Variants in CYGB observed in about 807,000 individuals in gnomAD.
CYGB encodes histoglobin.
CYGB carries 13 observed loss-of-function variants against 20.7 expected under a neutral mutation model. That is an observed-to-expected ratio of 0.63 (90% CI 0.41 to 1.00). CYGB has a LOEUF of 1.00. Among genes scored for constraint, CYGB ranks in the 50% least tolerant of loss-of-function variants. The pLI is 0.00. For synonymous variants in CYGB, 93 were observed against 107.4 expected, an observed-to-expected ratio of 0.87 and a Z score of 0.83; for missense variants, 218 against 257.2, an observed-to-expected ratio of 0.85 and a Z score of 1.04.
At chr17:76,548,511 T>G (rs1182390142) in intron 1 of CYGB, among the ~76,000 whole-genome samples, 1 of 152,198 alleles carries the variant, frequency 6.6e-6, no homozygotes, top group Non-Finnish European at 1.5e-5. Context: ...CCAGCCTCGG[T>G]GGCCTAGTTC....
At chr17:76,543,946 C>A in intron 1 of CYGB, 1 of 468,946 alleles carries the variant, frequency 2.1e-6, no homozygotes, top group Non-Finnish European at 4.4e-6. Context: ...TGTGTGCAAG[C>A]GCGTGTGTTC....
At chr17:76,542,706 C>T (rs564887151), upstream of CYGB, 62 of 951,974 alleles carry the variant, frequency 6.5e-5, 2 homozygotes, top group South Asian at 5.5e-4. Context: ...AGGCAAGTCC[C>T]GGCCATGTGG....
At chr17:76,542,959 C>A in intron 1 of CYGB, 1 of 514,158 alleles carries the variant, frequency 1.9e-6, no homozygotes. Flanking sequence ...TCGGAAACAT[C>A]CACTCTGAAA....
At chr17:76,536,856 G>A (rs2074919564) in intron 1 of CYGB, among the ~76,000 whole-genome samples, 1 of 152,152 alleles carries the variant, frequency 6.6e-6, no homozygotes, top group Non-Finnish European at 1.5e-5. Flanking sequence ...GTGCCCTCCA[G>A]CGGGAAGGGG....
At chr17:76,544,651 G>A in intron 1 of CYGB, 1 of 456,782 alleles carries the variant, frequency 2.2e-6, no homozygotes, top group Non-Finnish European at 4.4e-6. Context: ...CTCTCTCTTT[G>A]GAGGCATCGG....
intron 3 of CYGB, chr17:76,529,154 G>T: frequency 3.0e-6 from 3 of 984,608 alleles, no homozygotes; most frequent in Non-Finnish European, 3.6e-6. Flanking sequence ...GAAGTTGGGC[G>T]AGGGCCTTCT....
intron 1 of CYGB, among the ~76,000 whole-genome samples, chr17:76,534,386 C>G (rs940460857): frequency 6.6e-6 from 1 of 152,134 alleles, no homozygotes; most frequent in South Asian, 2.1e-4. Context: ...GCCATGCTGG[C>G]CAGGCTGGTG....
At chr17:76,540,263 G>GGGGGGGGGGGGGGGGGGGGGGC, upstream of CYGB, 1 of 610,900 alleles carries the variant, frequency 1.6e-6, no homozygotes, top group Non-Finnish European at 2.9e-6. This position sits in a 1 kb window ranked among gnomAD's most constrained non-coding sequence, Gnocchi z 5.0. Context: ...GGGGGGGGGG[G>GGGGGGGGGGGGGGGGGGGGGGC]CATGGGGCTG....
intron 1 of CYGB, among the ~76,000 whole-genome samples, chr17:76,547,565 T>A (rs1050346540): frequency 6.6e-6 from 1 of 152,054 alleles, no homozygotes; most frequent in African/African-American, 2.4e-5. Context: ...AGAAAATTTT[T>A]AAAAATTTAC....
intron 1 of CYGB, chr17:76,545,527 T>C (rs2075046223): frequency 1.1e-5 from 4 of 370,566 alleles, no homozygotes; most frequent in Non-Finnish European, 2.1e-5. Flanking sequence ...CCTTCTGGTC[T>C]AGGGTGCTGG....
At position 76,527,795 on chromosome 17, in the gene CYGB, C is replaced by T. The variant is rs564547481; in HGVS notation, c.*783G>A. On this transcript the variant is annotated 3_prime_UTR_variant, in exon 4 of 4. Transcript: ENST00000293230. ...CCTCCCCCAGTGCGGTCATCCCACC[C>T]AGAACTTCGCTCTGCCCCTGCCCAT... 5.7e-5 allele frequency: 26 copies of T among 453,888 alleles called. No homozygotes were observed. Among genetic ancestry groups the T allele is most frequent in the Non-Finnish European group, 9.7e-5 (22 of 226,716 alleles). The allele number at this position is 453,888 out of a possible 1,614,324, so 28.1% of individuals were successfully genotyped here. A position where few individuals can be genotyped will look rare whatever the true frequency, so the allele number is the denominator to read the frequency against.
In CYGB at chr17:76,527,938, G is replaced by A. The variant is rs1037782728; in HGVS notation, c.*640C>T. On this transcript the variant is annotated 3_prime_UTR_variant, in exon 4 of 4. Transcript: ENST00000293230. ...GTCTGAGAAGGGGCTGGGCTTTGCC[G>A]CCAAGCCGGGTTGCCCCAGCCCTGC... The A allele has an allele frequency of 7.7e-5, 30 of 388,846 alleles. No individual in the cohort carries two copies. Among genetic ancestry groups the A allele is most frequent in the Admixed American group, 5.2e-4 (19 of 36,368 alleles). The allele number at this position is 388,846 out of a possible 1,614,324, so 24.1% of individuals were successfully genotyped here.
chr17:76,542,990 GT>G (rs1387247142), intron 1 of CYGB: 10 of 488,802 alleles, frequency 2.0e-5, no homozygotes, highest in Non-Finnish European at 4.2e-5. Flanking sequence ...ATCCCCAGGT[GT>G]GGGAGAAGTG....
At chr17:76,548,208 CAT>C (rs1344445416) in intron 1 of CYGB, among the ~76,000 whole-genome samples, 7 of 151,932 alleles carry the variant, frequency 4.6e-5, no homozygotes, top group Non-Finnish European at 7.4e-5. Flanking sequence ...CACATACAGA[CAT>C]ATACACTTAT....
chr17:76,534,541 A>G (rs1250379466), intron 1 of CYGB, among the ~76,000 whole-genome samples: 2 of 152,230 alleles, frequency 1.3e-5, no homozygotes, highest in Admixed American at 6.5e-5. Context: ...ATGAGGAAAC[A>G]ACAGGGAACA....
chr17:76,548,269 TAAAC>T (rs546077230), intron 1 of CYGB, among the ~76,000 whole-genome samples: 6 of 151,918 alleles, frequency 3.9e-5, no homozygotes, highest in Admixed American at 3.3e-4. Flanking sequence ...CAGATACACA[TAAAC>T]ATACATACAC....
chr17:76,539,361 G>T (rs973111440), upstream of CYGB, among the ~76,000 whole-genome samples: 1 of 152,224 alleles, frequency 6.6e-6, no homozygotes, highest in African/African-American at 2.4e-5. Context: ...GTGTAGGAAT[G>T]AATCTGTACA....
rs1236502264 is a variant in CYGB, at chr17:76,528,037, G to A, written c.*541C>T. 1.6e-5 allele frequency: 6 copies of A among 369,356 alleles called. No homozygotes were observed. The highest frequency in any genetic ancestry group is 3.1e-5 in the Non-Finnish European group (6 of 191,322). The allele number at this position is 369,356 out of a possible 1,614,324, so 22.9% of individuals were successfully genotyped here. ...AGAACACTCTGTTCTCTGCACAACC[G>A]GAACCCCTCCCTGCCCCACTCACAG... On this transcript the variant is annotated 3_prime_UTR_variant, in exon 4 of 4. Transcript: ENST00000293230. This position sits in a 1 kb window ranked among gnomAD's most constrained non-coding sequence, Gnocchi z 5.8.
intron 1 of CYGB, among the ~76,000 whole-genome samples, chr17:76,532,981 G>A (rs1456963460): frequency 6.6e-6 from 1 of 152,204 alleles, no homozygotes; most frequent in African/African-American, 2.4e-5. Context: ...AGGTTGTTCT[G>A]CCCCTTCGTG....
Sources: allele counts gnomAD v4.1 joint callset (sites outside exome capture counted in the v4.1 genomes callset), GRCh38; gene constraint gnomAD v4.1.1; non-coding constraint Gnocchi (gnomAD v3.1); transcripts MANE v1.5; gene names NCBI Gene and HGNC (gene_info 2026-07-23, HGNC 2026-07-21).